NBAS: variants seen among roughly 807,000 people sequenced by gnomAD.
The protein encoded by NBAS is NAG/BC035112 fusion.
In NBAS, 219 loss-of-function variants were observed where a neutral mutation model predicts 302.5. That is an observed-to-expected ratio of 0.72 (90% CI 0.65 to 0.81). The LOEUF is 0.81. Ranked by LOEUF, NBAS falls within the 30% of genes least tolerant of loss-of-function variation. NBAS has a pLI of 0.00. For missense variants in NBAS, 2,932 were observed against 2,841.6 expected (o/e 1.03, Z -0.72); for synonymous variants, 1,118 against 1,021.6 (o/e 1.09, Z -1.80).
chr2:15,206,009 T>C (rs1011581438), intron 48 of NBAS, among the ~76,000 whole-genome samples: 2 of 151,998 alleles, frequency 1.3e-5, no homozygotes, highest in Non-Finnish European at 2.9e-5. Context: ...GGAAGCACCA[T>C]TGGAACTGGG....
intron 33 of NBAS, among the ~76,000 whole-genome samples, chr2:15,356,065 G>C (rs537619375): frequency 1.3e-5 from 2 of 152,124 alleles, no homozygotes; most frequent in Non-Finnish European, 2.9e-5. Context: ...AGCATGTTTT[G>C]AATAGGGACT....
At chr2:15,194,856 C>A in intron 48 of NBAS, among the ~76,000 whole-genome samples, 1 of 152,004 alleles carries the variant, frequency 6.6e-6, no homozygotes. Context: ...AACGATCTAG[C>A]CACTACAATA....
rs531516245 is a variant in NBAS at position 15,412,767 on chromosome 2, G to C, written c.2937+2779C>G. Among the ~76,000 whole-genome samples, 8 of 152,224 alleles carry C rather than the reference G, an allele frequency of 5.3e-5. No individual in the cohort carries two copies. In the South Asian group the frequency reaches 1.2e-3, roughly 24 times the overall value. On this transcript the variant is annotated intron_variant, in intron 25 of 51. Coordinates refer to ENST00000281513, the MANE Select transcript of NBAS (RefSeq NM_015909.4). ...GTCAAACCCTGGCAAATGGAGCTGGGGAGAGCCATGAAGGGGGGGCTCTTA... is the reference window on the plus strand; with the variant it reads ...GTCAAACCCTGGCAAATGGAGCTGGCGAGAGCCATGAAGGGGGGGCTCTTA...
At chr2:15,387,639 T>G (rs1275115389) in intron 28 of NBAS, among the ~76,000 whole-genome samples, 2 of 143,918 alleles carry the variant, frequency 1.4e-5, no homozygotes, top group Admixed American at 1.4e-4. Flanking sequence ...CTGGAAATTA[T>G]TTTTTTTTTT....
chr2:14,880,232 A>G, the NBAS span, among the ~76,000 whole-genome samples: 1 of 152,194 alleles, frequency 6.6e-6, no homozygotes, highest in African/African-American at 2.4e-5. Flanking sequence ...CTTTTCATAG[A>G]TACATTAATT....
At chr2:14,864,178 G>A in the NBAS span, among the ~76,000 whole-genome samples, 6 of 152,030 alleles carry the variant, frequency 3.9e-5, no homozygotes, top group South Asian at 2.1e-4. Context: ...TTAGCTGGGC[G>A]TGGTAGCACA....
At chr2:15,149,164 C>T in the NBAS span, among the ~76,000 whole-genome samples, 25 of 152,260 alleles carry the variant, frequency 1.6e-4, no homozygotes, top group Non-Finnish European at 3.1e-4. Context: ...AGGGCTTTGC[C>T]CTCATGCATG....
chr2:15,396,479 A>G lies in NBAS; in HGVS notation c.3072-4T>C. ...TGTGGTTGCCTCTGTCTTATCACTA[A>G]TAAATTAAAAGAAGAAAAAAAAAAG... is the stretch of plus-strand genomic sequence containing the variant. On this transcript the variant is annotated splice_polypyrimidine_tract_variant and splice_region_variant and intron_variant, in intron 26 of 51. Coordinates refer to ENST00000281513, the MANE Select transcript of NBAS (RefSeq NM_015909.4). The G allele has an allele frequency of 6.4e-7, 1 of 1,568,440 alleles. No homozygotes were observed. The highest frequency in any genetic ancestry group is 8.6e-7 in the Non-Finnish European group (1 of 1,160,514).
chr2:15,482,685 ATTT>A (rs11320202), intron 12 of NBAS, among the ~76,000 whole-genome samples: 5 of 147,618 alleles, frequency 3.4e-5, no homozygotes, highest in South Asian at 2.2e-4. Flanking sequence ...AAGTTCTTTG[ATTT>A]TTTTTTTTTT....
At chr2:14,898,951 G>A in the NBAS span, among the ~76,000 whole-genome samples, 38 of 152,132 alleles carry the variant, frequency 2.5e-4, no homozygotes, top group Non-Finnish European at 4.0e-4. Context: ...GAACTTTTAT[G>A]GGCCTCACTT....
At chr2:15,545,208 A>G (rs1395850432) in intron 6 of NBAS, among the ~76,000 whole-genome samples, 1 of 152,224 alleles carries the variant, frequency 6.6e-6, no homozygotes, top group African/African-American at 2.4e-5. Flanking sequence ...AGATGCTTAT[A>G]TTAGAATAGG....
chr2:15,213,532 C>T (rs1666516124), intron 48 of NBAS, among the ~76,000 whole-genome samples: 1 of 152,178 alleles, frequency 6.6e-6, no homozygotes, highest in African/African-American at 2.4e-5. Context: ...ATTCAAATAT[C>T]AGTGCCATAT....
the NBAS span, among the ~76,000 whole-genome samples, chr2:15,083,973 TA>T: frequency 8.6e-5 from 13 of 151,370 alleles, no homozygotes; most frequent in Non-Finnish European, 1.8e-4. Context: ...TTAGATCGAA[TA>T]AAAAAAACTA....
chr2:15,302,863 G>C (rs894483162), intron 40 of NBAS, among the ~76,000 whole-genome samples: 6 of 152,166 alleles, frequency 3.9e-5, no homozygotes, highest in Non-Finnish European at 8.8e-5. Context: ...GGTGGGAGAA[G>C]CCAACTGGCC....
At chr2:15,245,071 CT>C (rs1668030150) in intron 44 of NBAS, among the ~76,000 whole-genome samples, 1 of 152,124 alleles carries the variant, frequency 6.6e-6, no homozygotes, top group South Asian at 2.1e-4. Flanking sequence ...TCTGGGGTTG[CT>C]TTGTTACTCC....
At chr2:15,167,854 T>A (rs558131677) in intron 51 of NBAS, among the ~76,000 whole-genome samples, 7 of 152,178 alleles carry the variant, frequency 4.6e-5, no homozygotes, top group African/African-American at 9.6e-5. Context: ...ATGAAAAAAA[T>A]TTTTTTGGAA....
the NBAS span, among the ~76,000 whole-genome samples, chr2:14,919,506 T>C: frequency 4.6e-5 from 7 of 152,188 alleles, no homozygotes; most frequent in Non-Finnish European, 7.3e-5. Context: ...GTTTGCTGCA[T>C]CCATTGACTC....
At chr2:15,162,264 G>A (rs771558930), downstream of NBAS, among the ~76,000 whole-genome samples, 1 of 152,154 alleles carries the variant, frequency 6.6e-6, no homozygotes, top group South Asian at 2.1e-4. Flanking sequence ...ACCCATGGCC[G>A]AGTAGAAATT....
the NBAS span, among the ~76,000 whole-genome samples, chr2:15,142,844 C>T: frequency 1.3e-5 from 2 of 152,182 alleles, no homozygotes; most frequent in African/African-American, 4.8e-5. Flanking sequence ...CTACATCTAG[C>T]GTACAGATGA....
Sources: gnomAD v4.1 joint callset for allele counts (sites outside exome capture counted in the v4.1 genomes callset) on GRCh38, gnomAD v4.1.1 for gene constraint, MANE v1.5 for transcripts, NCBI Gene and HGNC (gene_info 2026-07-23, HGNC 2026-07-21) for gene names.